ALKBH6: variants seen among roughly 807,000 people sequenced by gnomAD.
The protein encoded by ALKBH6 is probable RNA/DNA demethylase ALKBH6.
Under a neutral mutation model 25.1 loss-of-function variants are expected in ALKBH6, and 20 were observed. The ratio of observed to expected loss-of-function variants is 0.80; its 90% CI spans 0.56 to 1.16. ALKBH6 has a LOEUF of 1.16. ALKBH6 is among the 50% of genes most tolerant of loss of function. The pLI is 0.00. For missense variants in ALKBH6, 263 were observed against 326.5 expected, an observed-to-expected ratio of 0.81 and a Z score of 1.50; for synonymous variants, 156 against 147.5, an observed-to-expected ratio of 1.06 and a Z score of -0.42.
chr19:36,010,845 C>T lies in ALKBH6; in HGVS notation c.336+49G>A. 6.2e-7 allele frequency: 1 copy of T among 1,608,262 alleles called. No individual in the cohort carries two copies. The highest frequency in any genetic ancestry group is 1.1e-5 in the South Asian group (1 of 90,874). ...GGGTACAGAGTCCCCTGCCCCAGCACAGCTCAGAAGTCTGAGTGGGGGGAC... is the reference window on the plus strand; with the variant it reads ...GGGTACAGAGTCCCCTGCCCCAGCATAGCTCAGAAGTCTGAGTGGGGGGAC... On this transcript the variant is annotated intron_variant, in intron 5 of 6. Transcript: ENST00000378875. This position sits in a 1 kb window ranked among gnomAD's most constrained non-coding sequence, Gnocchi z 5.5.
chr19:36,009,605 T>TGGGTGTTGGGGGGGGGGGGGGGG, intron 6 of ALKBH6, 52 bp from the exon 7 acceptor site: 2 of 132,198 alleles, frequency 1.5e-5, no homozygotes, highest in South Asian at 3.7e-4. Context: ...GGGGTGGGGG[T>TGGGTGTTGGGGGGGGGGGGGGGG]GGGCGAGAGG....
chr19:36,009,121 A>T lies in ALKBH6; in HGVS notation c.*169T>A, dbSNP rs141377018. The T allele has an allele frequency of 1.5e-4, 172 of 1,180,122 alleles. No homozygotes were observed. In the East Asian group the frequency reaches 5.1e-3, roughly 35 times the overall value. The allele number at this position is 1,180,122 out of a possible 1,614,324, so 73.1% of individuals were successfully genotyped here. On this transcript the variant is annotated 3_prime_UTR_variant, in exon 7 of 7. Coordinates refer to ENST00000378875, the MANE Select transcript of ALKBH6 (RefSeq NM_032878.5). ...AAAAAATAAAAATATAAAACCAAGGAAAGATTTTTTTGTTTATTTGGTATG... is the reference window on the plus strand; with the variant it reads ...AAAAAATAAAAATATAAAACCAAGGTAAGATTTTTTTGTTTATTTGGTATG...
Position 36,010,730 on chromosome 19 carries a change from C to T in ALKBH6, c.337-47G>A. On this transcript the variant is annotated intron_variant, in intron 5 of 6. Transcript: ENST00000378875. The surrounding 1 kb of genome is among the most constrained non-coding windows in gnomAD (Gnocchi z 5.5). Reference sequence around the variant, plus strand: ...TGGGCAGGGCAGGAGTCCACAACCCCCACCCTCTGGGTCAAAGGGGGGCTT... The same window carrying T: ...TGGGCAGGGCAGGAGTCCACAACCCTCACCCTCTGGGTCAAAGGGGGGCTT... 1 of 1,592,082 alleles carries T rather than the reference C, an allele frequency of 6.3e-7. No homozygotes were observed. The highest frequency in any genetic ancestry group is 8.6e-7 in the Non-Finnish European group (1 of 1,161,422).
chr19:36,011,226 A>C, intron 4 of ALKBH6, 178 bp downstream of exon 4: 1 of 1,123,966 alleles, frequency 8.9e-7, no homozygotes, highest in African/African-American at 1.6e-5. Flanking sequence ...AGATACTCCC[A>C]ACTCATCAGG....
chr19:36,014,230 C>G, upstream of ALKBH6: 1 of 1,612,634 alleles, frequency 6.2e-7, no homozygotes, highest in Non-Finnish European at 8.5e-7. Flanking sequence ...CCCCTCCCAG[C>G]CATTTCCGCC....
chr19:36,014,148 C>G (rs756080086), intron 1 of ALKBH6, 27 bp downstream of exon 1: 9 of 1,611,466 alleles, frequency 5.6e-6, no homozygotes, highest in East Asian at 4.5e-5. Context: ...ACATCCATCT[C>G]TACCCCCAGC....
Sources: gnomAD v4.1 joint callset for allele counts on GRCh38, gnomAD v4.1.1 for gene constraint, Gnocchi (gnomAD v3.1) non-coding constraint, MANE v1.5 for transcripts, NCBI Gene and HGNC (gene_info 2026-07-23, HGNC 2026-07-21) for gene names.